Variants in RUFY3 observed in about 807,000 individuals in gnomAD.
RUFY3 encodes the protein protein RUFY3.
Under a neutral mutation model 84.0 loss-of-function variants are expected in RUFY3, and 34 were observed. The ratio of observed to expected loss-of-function variants is 0.40; its 90% CI spans 0.31 to 0.54. The LOEUF (loss-of-function observed/expected upper bound fraction) is 0.54. Among genes scored for constraint, RUFY3 ranks in the 20% least tolerant of loss-of-function variants. The pLI is 0.39. For missense variants in RUFY3, 507 were observed against 736.8 expected (o/e 0.69, Z 3.61); for synonymous variants, 242 against 252.9 (o/e 0.96, Z 0.41).
At chr4:70,746,991 A>G (rs796757853) in intron 1 of RUFY3, among the ~76,000 whole-genome samples, 26 of 152,318 alleles carry the variant, frequency 1.7e-4, no homozygotes, top group African/African-American at 6.0e-4. Flanking sequence ...CTGTAATTCA[A>G]CATCAGTATA....
chr4:70,794,758 C>T lies in RUFY3; in HGVS notation c.1458-37C>T, dbSNP rs375711273. ...TTAGAGAATATGTCTGTATAGAATTCCAATTTTTCATCCTTTTCCTCTCCA... is the reference window on the plus strand; with the variant it reads ...TTAGAGAATATGTCTGTATAGAATTTCAATTTTTCATCCTTTTCCTCTCCA... On this transcript the variant is annotated intron_variant, in intron 13 of 17. Coordinates refer to ENST00000381006, the MANE Select transcript of RUFY3 (RefSeq NM_001037442.4). 1.2e-4 allele frequency: 168 copies of T among 1,385,998 alleles called. 1 individual carries two copies. In the African/African-American group the frequency reaches 2.0e-3, roughly 17 times the overall value. The allele number at this position is 1,385,998 out of a possible 1,614,324, so 85.9% of individuals were successfully genotyped here.
chr4:70,745,179 C>T (rs1020644650), intron 1 of RUFY3, among the ~76,000 whole-genome samples: 24 of 149,966 alleles, frequency 1.6e-4, no homozygotes, highest in East Asian at 6.0e-4. Flanking sequence ...CTCCTGACCT[C>T]GTGGTCCACC....
intron 1 of RUFY3, among the ~76,000 whole-genome samples, chr4:70,728,496 G>A (rs943067197): frequency 6.6e-6 from 1 of 152,212 alleles, no homozygotes; most frequent in Non-Finnish European, 1.5e-5. Context: ...ACCCTCATAA[G>A]CCAGGGACTG....
chr4:70,734,241 A>T, intron 1 of RUFY3: 1 of 234,206 alleles, frequency 4.3e-6, no homozygotes, highest in Non-Finnish European at 7.0e-6. Context: ...CATTTGATTT[A>T]TTCCTTTCCT....
intron 4 of RUFY3, among the ~76,000 whole-genome samples, chr4:70,765,610 C>G (rs1725755485): frequency 6.6e-6 from 1 of 152,100 alleles, no homozygotes. Flanking sequence ...AATAAACTGT[C>G]AAAGAACCTT....
rs191845800 is a variant in RUFY3 at position 70,716,658 on chromosome 4, A to C, written c.358+11364A>C. On this transcript the variant is annotated intron_variant, in intron 1 of 11. Transcript: ENST00000417478. ...CAGGAATTCAAGACCAGCCTGGCCA[A>C]GATGGTGAAACCCCATCTCTACTAA... Among the ~76,000 whole-genome samples, 910 of 152,034 alleles carry C rather than the reference A, an allele frequency of 6.0e-3. 10 individuals are homozygous for C. The highest frequency in any genetic ancestry group is 0.019 in the African/African-American group (793 of 41,484).
At position 70,793,791 on chromosome 4, in the gene RUFY3, C is replaced by A. The variant is rs1176779387; in HGVS notation, c.1344C>A (p.Arg448=). The part of the protein sequence containing the change: ...ATIKQLEQRL[R]QAERSRQSAE... ...TCATGTGGCTCACATCCAGATTGCGCCAGGCTGAGCGAAGCCGCCAATCTG... is the reference window on the plus strand; with the variant it reads ...TCATGTGGCTCACATCCAGATTGCGACAGGCTGAGCGAAGCCGCCAATCTG... The change falls in exon 13 of 18, where the codon CGC becomes CGA. Residue 448 remains arginine, a synonymous_variant. Transcript: ENST00000381006. 1 of 1,614,002 alleles carries A rather than the reference C, an allele frequency of 6.2e-7. No individual in the cohort carries two copies. Among genetic ancestry groups the A allele is most frequent in the South Asian group, 1.1e-5 (1 of 91,072 alleles).
At chr4:70,731,600 T>G (rs1034860564) in intron 1 of RUFY3, among the ~76,000 whole-genome samples, 6 of 151,870 alleles carry the variant, frequency 4.0e-5, no homozygotes, top group Non-Finnish European at 4.4e-5. Flanking sequence ...CAGAGTTTCG[T>G]TCTGTTGCCC....
At chr4:70,707,341 C>T (rs536060424) in intron 1 of RUFY3, among the ~76,000 whole-genome samples, 12 of 152,310 alleles carry the variant, frequency 7.9e-5, no homozygotes, top group African/African-American at 2.9e-4. Context: ...TCACTGCAAC[C>T]TCCGCCTCCC....
intron 1 of RUFY3, among the ~76,000 whole-genome samples, chr4:70,728,016 TA>T (rs1387651146): frequency 6.6e-6 from 1 of 152,154 alleles, no homozygotes; most frequent in African/African-American, 2.4e-5. Flanking sequence ...AGAGGATTTT[TA>T]AAGAATGAAA....
intron 14 of RUFY3, among the ~76,000 whole-genome samples, chr4:70,798,807 AAAAC>A (rs571165126): frequency 1.6e-3 from 245 of 151,976 alleles, no homozygotes; most frequent in Middle Eastern, 3.4e-3. Context: ...GTCTGTCTCC[AAAAC>A]AAACAAACAA....
At chr4:70,787,260 G>GTT (rs1268063842) in intron 10 of RUFY3, among the ~76,000 whole-genome samples, 27 of 108,472 alleles carry the variant, frequency 2.5e-4, no homozygotes, top group East Asian at 1.8e-3. Flanking sequence ...TTATTTATTT[G>GTT]TTTTTTTTTT....
chr4:70,706,851 G>C (rs1740391537), intron 1 of RUFY3, among the ~76,000 whole-genome samples: 1 of 152,174 alleles, frequency 6.6e-6, no homozygotes, highest in South Asian at 2.1e-4. Context: ...AGGAGACTTT[G>C]CTTTTGTTTT....
intron 8 of RUFY3, among the ~76,000 whole-genome samples, chr4:70,782,773 C>T (rs1006698065): frequency 1.3e-5 from 2 of 151,902 alleles, no homozygotes; most frequent in Non-Finnish European, 1.5e-5. Context: ...ATTAGTTGGG[C>T]GTGGTGGTGC....
chr4:70,785,354 TA>T (rs1033275496), intron 10 of RUFY3, among the ~76,000 whole-genome samples: 5 of 151,592 alleles, frequency 3.3e-5, no homozygotes, highest in Admixed American at 6.6e-5. Context: ...TTTTAGAAAT[TA>T]AAAAAAATAC....
chr4:70,756,414 G>A (rs1724030718), intron 1 of RUFY3, among the ~76,000 whole-genome samples: 1 of 152,116 alleles, frequency 6.6e-6, no homozygotes, highest in Non-Finnish European at 1.5e-5. Flanking sequence ...TGACTTTAAG[G>A]TGAAATCTGT....
At chr4:70,757,533 A>G (rs1416751852) in intron 1 of RUFY3, among the ~76,000 whole-genome samples, 1 of 151,664 alleles carries the variant, frequency 6.6e-6, no homozygotes, top group Non-Finnish European at 1.5e-5. Context: ...GAACCCAGGA[A>G]GACGAGGTTG....
rs765815394 is a variant in RUFY3 at position 70,789,560 on chromosome 4, G to A, written c.1305G>A (p.Gln435=). The A allele has an allele frequency of 7.4e-6, 12 of 1,612,958 alleles. No individual in the cohort carries two copies. The highest frequency in any genetic ancestry group is 1.0e-5 in the Non-Finnish European group (12 of 1,179,356). ...GTCGCTTGGAAGAGAAGACTAATCA[G>A]ATGGCTGCTACCATTAAACAACTTG... The part of the protein sequence containing the change: ...LNSRLEEKTN[Q]MAATIKQLEQ... Residue 435 remains glutamine, a synonymous_variant, in exon 12 of 18, where the codon CAG becomes CAA. Coordinates refer to ENST00000381006, the MANE Select transcript of RUFY3 (RefSeq NM_001037442.4).
At chr4:70,726,776 A>G (rs978925546) in intron 1 of RUFY3, among the ~76,000 whole-genome samples, 2 of 152,206 alleles carry the variant, frequency 1.3e-5, no homozygotes, top group Admixed American at 1.3e-4. Flanking sequence ...CCTAATTTAC[A>G]TTAAGAGTTG....
Sources: gnomAD v4.1 joint callset for allele counts (sites outside exome capture counted in the v4.1 genomes callset) on GRCh38, gnomAD v4.1.1 for gene constraint, MANE v1.5 for transcripts, NCBI Gene and HGNC (gene_info 2026-07-23, HGNC 2026-07-21) for gene names.